The following RAB37 variants were observed in gnomAD, a reference collection of about 807,000 sequenced individuals.
RAB37 encodes RAB37, member RAS oncogene family, also known as ras-related protein Rab-37.
In RAB37, 29 loss-of-function variants were observed where a neutral mutation model predicts 33.1. The ratio of observed to expected loss-of-function variants is 0.88; its 90% CI spans 0.65 to 1.20. RAB37 has a LOEUF of 1.20. Ranked by LOEUF, RAB37 falls within the 50% of genes most tolerant of loss-of-function variation. The pLI is 0.00. For synonymous variants in RAB37, 128 were observed against 119.5 expected, an observed-to-expected ratio of 1.07 and a Z score of -0.47; for missense variants, 299 against 301.1, an observed-to-expected ratio of 0.99 and a Z score of 0.05.
At chr17:74,686,910 C>T (rs1271144715) in intron 1 of RAB37, among the ~76,000 whole-genome samples, 1 of 152,178 alleles carries the variant, frequency 6.6e-6, no homozygotes, top group African/African-American at 2.4e-5. Flanking sequence ...GGGAAGGCAC[C>T]GGGCAGTATA....
chr17:74,685,288 G>A (rs2143487386), intron 1 of RAB37, among the ~76,000 whole-genome samples: 1 of 152,204 alleles, frequency 6.6e-6, no homozygotes. Flanking sequence ...GGGTTCAAGC[G>A]ATTCTCCCAC....
At chr17:74,740,712 G>T in intron 1 of RAB37, 56 bp from the exon 2 acceptor site, 2 of 1,212,320 alleles carry the variant, frequency 1.6e-6, no homozygotes, top group Non-Finnish European at 2.4e-6. Flanking sequence ...CTCTCTCCTG[G>T]AATCCCAGAA....
chr17:74,741,226 G>A (rs566825344), intron 2 of RAB37, among the ~76,000 whole-genome samples: 2 of 152,126 alleles, frequency 1.3e-5, no homozygotes, highest in Admixed American at 6.5e-5. Flanking sequence ...GGGCCCCTTT[G>A]GAAAGGCCTC....
chr17:74,729,959 C>T lies in RAB37; in HGVS notation c.183+593C>T, dbSNP rs77822106. ...AGCTGGCAGGCCCAGGTTACAGTTCCGTGTTTAGTCCTCGGTAAAATGGTA... is the reference window on the plus strand; with the variant it reads ...AGCTGGCAGGCCCAGGTTACAGTTCTGTGTTTAGTCCTCGGTAAAATGGTA... On this transcript the variant is annotated intron_variant, in intron 2 of 7. Coordinates refer to the RAB37 transcript ENST00000340415. The surrounding 1 kb of genome is among the most constrained non-coding windows in gnomAD (Gnocchi z 4.2). Among the ~76,000 whole-genome samples the T allele has an allele frequency of 0.018, 2,748 of 152,290 alleles. 101 individuals carry two copies. The highest frequency in any genetic ancestry group is 0.16 in the East Asian group (847 of 5,168).
At chr17:74,712,817 C>A in intron 1 of RAB37, 3 of 1,613,962 alleles carry the variant, frequency 1.9e-6, no homozygotes, top group Non-Finnish European at 2.5e-6. Flanking sequence ...GACCCAGGCC[C>A]GCTCACCTGA....
intron 1 of RAB37, among the ~76,000 whole-genome samples, chr17:74,698,776 C>T (rs555733674): frequency 6.6e-6 from 1 of 152,288 alleles, no homozygotes; most frequent in South Asian, 2.1e-4. Context: ...TACCTATTAC[C>T]TGGGTGACAA....
intron 1 of RAB37, among the ~76,000 whole-genome samples, chr17:74,700,880 G>C (rs2032991651): frequency 6.6e-6 from 1 of 152,024 alleles, no homozygotes; most frequent in Non-Finnish European, 1.5e-5. Context: ...TTTGAAGATA[G>C]GATCTTTAAA....
chr17:74,692,059 G>A (rs2032167547), intron 1 of RAB37, among the ~76,000 whole-genome samples: 1 of 151,864 alleles, frequency 6.6e-6, no homozygotes, highest in Admixed American at 6.6e-5. Flanking sequence ...GTAGAGACGG[G>A]GTTTCACCAT....
chr17:74,728,911 C>T (rs571609171), intron 1 of RAB37, among the ~76,000 whole-genome samples: 186 of 143,042 alleles, frequency 1.3e-3, no homozygotes, highest in African/African-American at 4.3e-3. Flanking sequence ...TGTGTCTGTA[C>T]GTGTCTTGTG....
chr17:74,671,666 T>A lies in RAB37; in HGVS notation c.72+8T>A. 6.2e-7 allele frequency: 1 copy of A among 1,613,256 alleles called. No individual in the cohort carries two copies. Among genetic ancestry groups the A allele is most frequent in the Non-Finnish European group, 8.5e-7 (1 of 1,179,172 alleles). Reference sequence around the variant, plus strand: ...GACCACGTCCTGCATAAGGTAAACATCTCCTGTATTCCTCAACCTAACGTT... The same window carrying A: ...GACCACGTCCTGCATAAGGTAAACAACTCCTGTATTCCTCAACCTAACGTT... On this transcript the variant is annotated splice_region_variant and intron_variant, in intron 1 of 7. Transcript: ENST00000340415. This position sits in a 1 kb window ranked among gnomAD's most constrained non-coding sequence, Gnocchi z 5.0.
intron 2 of RAB37, among the ~76,000 whole-genome samples, chr17:74,741,440 G>T (rs1337909463): frequency 1.3e-5 from 2 of 152,132 alleles, no homozygotes; most frequent in Non-Finnish European, 2.9e-5. Context: ...ACAAAAATTA[G>T]CCAGGTGTAG....
upstream of RAB37, among the ~76,000 whole-genome samples, chr17:74,734,992 G>GAAGGAAGGAAGGAAGGAAGAAAGAAAGA (rs2144046256): frequency 1.1e-5 from 1 of 92,860 alleles, no homozygotes; most frequent in African/African-American, 4.9e-5. Flanking sequence ...AAAAAGAAAG[G>GAAGGAAGGAAGGAAGGAAGAAAGAAAGA]AAGAAAGAAA....
chr17:74,708,515 C>A (rs1342860850), intron 1 of RAB37, among the ~76,000 whole-genome samples: 1 of 152,110 alleles, frequency 6.6e-6, no homozygotes, highest in Non-Finnish European at 1.5e-5. Flanking sequence ...ATGCAAAAAC[C>A]TGAAACAAAA....
chr17:74,742,612 C>CT lies in RAB37; in HGVS notation c.246+326dup, dbSNP rs966776835. The stretch of plus-strand genomic sequence containing the variant: ...CTGAGCTAGGGGAGAGGAGAAGATT[C>CT]TTTTTTTTTCTTTTCTTTTCTTTTT... On this transcript the variant is annotated intron_variant, in intron 3 of 8. Coordinates refer to ENST00000392613, the MANE Select transcript of RAB37 (RefSeq NM_001006638.3). The surrounding 1 kb of genome is among the most constrained non-coding windows in gnomAD (Gnocchi z 4.0). 1.8e-3 allele frequency among the ~76,000 whole-genome samples: 275 copies of CT among 151,066 alleles called. 1 individual carries two copies. Among genetic ancestry groups the CT allele is most frequent in the African/African-American group, 6.1e-3 (252 of 41,140 alleles).
intron 1 of RAB37, among the ~76,000 whole-genome samples, chr17:74,713,459 G>A (rs142262625): frequency 9.9e-5 from 15 of 152,160 alleles, no homozygotes; most frequent in African/African-American, 2.9e-4. Flanking sequence ...AGAGAACTTC[G>A]TGGCTCCTCT....
chr17:74,705,340 A>C, intron 1 of RAB37: 1 of 673,914 alleles, frequency 1.5e-6, no homozygotes, highest in South Asian at 1.5e-5. Context: ...ATGCCTTTGA[A>C]GTTGATCAAA....
chr17:74,733,384 T>A (rs1280152107), upstream of RAB37, among the ~76,000 whole-genome samples: 1 of 119,066 alleles, frequency 8.4e-6, no homozygotes, highest in Non-Finnish European at 1.8e-5. Context: ...CAGATGTGTG[T>A]GGTATGATGT....
At chr17:74,725,763 A>G (rs1263406744) in intron 1 of RAB37, among the ~76,000 whole-genome samples, 1 of 152,006 alleles carries the variant, frequency 6.6e-6, no homozygotes, top group South Asian at 2.1e-4. Flanking sequence ...AGCTGGGATT[A>G]CAGGTGCCTG....
chr17:74,678,994 C>G (rs2031898501), intron 1 of RAB37, among the ~76,000 whole-genome samples: 1 of 151,898 alleles, frequency 6.6e-6, no homozygotes, highest in Non-Finnish European at 1.5e-5. Context: ...GCCTGTAACC[C>G]CAGCTACTTG....
Sources: allele counts gnomAD v4.1 joint callset (sites outside exome capture counted in the v4.1 genomes callset), GRCh38; gene constraint gnomAD v4.1.1; non-coding constraint Gnocchi (gnomAD v3.1); transcripts MANE v1.5; gene names NCBI Gene and HGNC (gene_info 2026-07-23, HGNC 2026-07-21).